Variants in FSTL4 observed in about 807,000 individuals in gnomAD.
FSTL4 encodes follistatin-related protein 4.
Under a neutral mutation model 78.2 loss-of-function variants are expected in FSTL4, and 28 were observed. The ratio of observed to expected loss-of-function variants is 0.36; its 90% CI spans 0.27 to 0.49. FSTL4 has a LOEUF of 0.49. Ranked by LOEUF, FSTL4 falls within the 20% of genes least tolerant of loss-of-function variation. The pLI, the probability that FSTL4 is intolerant of heterozygous loss-of-function variation, is 0.98. For synonymous variants in FSTL4, 422 were observed against 440.5 expected (o/e 0.96, Z 0.53); for missense variants, 922 against 1,084.9 (o/e 0.85, Z 2.11).
At chr5:133,828,330 T>C in the FSTL4 span, among the ~76,000 whole-genome samples, 1 of 152,212 alleles carries the variant, frequency 6.6e-6, no homozygotes, top group African/African-American at 2.4e-5. Flanking sequence ...TAGTGGATCC[T>C]AAAGTTTGCG....
At chr5:133,395,448 G>C (rs1033343812) in intron 4 of FSTL4, among the ~76,000 whole-genome samples, 1 of 152,188 alleles carries the variant, frequency 6.6e-6, no homozygotes, top group Non-Finnish European at 1.5e-5. Flanking sequence ...AACATCAGAA[G>C]GAACAAACTC....
At chr5:133,449,981 C>T (rs1757349154) in intron 3 of FSTL4, among the ~76,000 whole-genome samples, 1 of 152,184 alleles carries the variant, frequency 6.6e-6, no homozygotes, top group African/African-American at 2.4e-5. Flanking sequence ...ACAATCCAGG[C>T]TTCTCTTTCT....
At chr5:133,288,825 G>A (rs1294701383) in intron 6 of FSTL4, among the ~76,000 whole-genome samples, 3 of 152,160 alleles carry the variant, frequency 2.0e-5, no homozygotes, top group South Asian at 4.1e-4. Context: ...TGGGGACTAA[G>A]CATCACTCCA....
At chr5:133,282,574 C>T (rs1293511815) in intron 6 of FSTL4, among the ~76,000 whole-genome samples, 1 of 152,218 alleles carries the variant, frequency 6.6e-6, no homozygotes, top group Non-Finnish European at 1.5e-5. Context: ...GGAGGTGCAG[C>T]AGTGGCTCCT....
At chr5:133,750,580 G>A in the FSTL4 span, among the ~76,000 whole-genome samples, 21 of 152,272 alleles carry the variant, frequency 1.4e-4, no homozygotes, top group African/African-American at 1.9e-4. Context: ...GTCAGGGCCC[G>A]TGAGGAGAGA....
the FSTL4 span, among the ~76,000 whole-genome samples, chr5:133,664,518 T>A: frequency 6.6e-6 from 1 of 152,162 alleles, no homozygotes; most frequent in Non-Finnish European, 1.5e-5. Flanking sequence ...TGACTCCAAA[T>A]GAATGATAGC....
At chr5:133,376,131 AAAG>A (rs1169974402) in intron 4 of FSTL4, among the ~76,000 whole-genome samples, 13 of 152,250 alleles carry the variant, frequency 8.5e-5, no homozygotes, top group African/African-American at 1.7e-4. Context: ...CAGTGCTCTC[AAAG>A]AAGAAGGACA....
chr5:133,382,734 A>G (rs1755602814), intron 4 of FSTL4, among the ~76,000 whole-genome samples: 1 of 152,220 alleles, frequency 6.6e-6, no homozygotes, highest in Non-Finnish European at 1.5e-5. Context: ...TTCCCTCAAC[A>G]TAGAACTAGT....
intron 4 of FSTL4, among the ~76,000 whole-genome samples, chr5:133,364,531 C>T (rs1755140165): frequency 6.6e-6 from 1 of 152,206 alleles, no homozygotes; most frequent in African/African-American, 2.4e-5. Context: ...AATCATCCCT[C>T]CTGACACATT....
At chr5:133,450,722 C>T (rs1420123652) in intron 3 of FSTL4, among the ~76,000 whole-genome samples, 1 of 152,210 alleles carries the variant, frequency 6.6e-6, no homozygotes, top group Non-Finnish European at 1.5e-5. Context: ...TCGGCATCCC[C>T]AGGAAAACAT....
chr5:133,528,109 C>T (rs1373581147), intron 3 of FSTL4, among the ~76,000 whole-genome samples: 1 of 152,200 alleles, frequency 6.6e-6, no homozygotes, highest in Non-Finnish European at 1.5e-5. Context: ...AATGTGGTTG[C>T]AGGTAAAATG....
chr5:133,488,077 CCTCTTCCT>C (rs1188810305), intron 3 of FSTL4, among the ~76,000 whole-genome samples: 8 of 152,196 alleles, frequency 5.3e-5, no homozygotes, highest in Admixed American at 3.9e-4. Context: ...AGAATTCAGA[CCTCTTCCT>C]GAACAGCTGA....
chr5:133,272,919 T>C (rs369457855), intron 6 of FSTL4, among the ~76,000 whole-genome samples: 3 of 152,388 alleles, frequency 2.0e-5, no homozygotes, highest in East Asian at 3.9e-4. Flanking sequence ...GACTTTCTGA[T>C]GCTGATAATA....
chr5:133,818,947 G>A, the FSTL4 span, among the ~76,000 whole-genome samples: 873 of 12,488 alleles, frequency 0.07, 3 homozygotes, highest in East Asian at 0.12. Context: ...ATATATATAT[G>A]TACACACACA....
intron 5 of FSTL4, among the ~76,000 whole-genome samples, chr5:133,315,149 G>A (rs1301984511): frequency 2.6e-5 from 4 of 152,132 alleles, no homozygotes; most frequent in South Asian, 2.1e-4. Context: ...GTGACAGAGC[G>A]AGACCATGTC....
At position 133,198,896 on chromosome 5, in the gene FSTL4, C is replaced by T; in HGVS notation, c.*199G>A. On this transcript the variant is annotated 3_prime_UTR_variant, in exon 16 of 16. Transcript: ENST00000265342. ...TCTCATCGTAGCTCAAGGCATAAAT[C>T]ATACTTCCTAACGAAAAAACCCCAA... 1 of 475,922 alleles carries T rather than the reference C, an allele frequency of 2.1e-6. No homozygotes were observed. The highest frequency in any genetic ancestry group is 3.0e-5 in the East Asian group (1 of 33,628). The allele number at this position is 475,922 out of a possible 1,614,324, so 29.5% of individuals were successfully genotyped here.
At chr5:133,279,895 C>A (rs570731322) in intron 6 of FSTL4, among the ~76,000 whole-genome samples, 3 of 152,134 alleles carry the variant, frequency 2.0e-5, no homozygotes, top group Non-Finnish European at 2.9e-5. Flanking sequence ...CCTTATGAGA[C>A]GAGGAGAAGA....
chr5:133,237,526 G>A (rs1323455885), intron 7 of FSTL4, among the ~76,000 whole-genome samples: 1 of 152,150 alleles, frequency 6.6e-6, no homozygotes, highest in Non-Finnish European at 1.5e-5. Context: ...GCTCTTCCGT[G>A]AGAACCTAAG....
intron 2 of FSTL4, among the ~76,000 whole-genome samples, chr5:133,573,693 T>C (rs1213797695): frequency 6.6e-6 from 1 of 152,214 alleles, no homozygotes; most frequent in East Asian, 1.9e-4. Context: ...TCAGTAAGGA[T>C]ATAGAAGAGT....
Sources: gnomAD v4.1 joint callset for allele counts (sites outside exome capture counted in the v4.1 genomes callset) on GRCh38, gnomAD v4.1.1 for gene constraint, MANE v1.5 for transcripts, NCBI Gene and HGNC (gene_info 2026-07-23, HGNC 2026-07-21) for gene names.